Variants in PTHLH observed in about 807,000 individuals in gnomAD.
PTHLH encodes the protein parathyroid hormone like hormone.
Under a neutral mutation model 18.6 loss-of-function variants are expected in PTHLH, and 5 were observed. That is an observed-to-expected ratio of 0.27 (90% CI 0.14 to 0.56). The LOEUF is 0.56. Among genes scored for constraint, PTHLH ranks in the 20% least tolerant of loss-of-function variants. The probability of loss-of-function intolerance (pLI) is 0.92; values close to 1 mark genes in which losing one functional copy is unlikely to be tolerated. For missense variants in PTHLH, 207 were observed against 223.9 expected (o/e 0.92, Z 0.48); for synonymous variants, 90 against 94.0 (o/e 0.96, Z 0.25).
intron 5 of PTHLH, 44 bp downstream of exon 5, chr12:27,963,304 C>G: frequency 6.2e-7 from 1 of 1,614,058 alleles, no homozygotes; most frequent in Non-Finnish European, 8.5e-7. Flanking sequence ...CAAAACCCAG[C>G]TGAGAGCACC....
intron 3 of PTHLH, 118 bp downstream of exon 3, chr12:27,969,907 C>T (rs775832268): frequency 1.9e-6 from 1 of 520,750 alleles, no homozygotes; most frequent in African/African-American, 1.9e-5. Context: ...CAGGGCTAAC[C>T]GCCTCCTAAA....
rs10551155 is a variant in PTHLH at position 27,964,471 on chromosome 12, C to CAG, written c.102-703_102-702dup. ...GAACATACATTTGAAGGCCAATCGTCAGAGAGAGAGAGAGAGAGAGAGAGA... is the reference window on the plus strand; with the variant it reads ...GAACATACATTTGAAGGCCAATCGTCAGAGAGAGAGAGAGAGAGAGAGAGAGA... On this transcript the variant is annotated intron_variant, in intron 4 of 5. Transcript: ENST00000545234. Among the ~76,000 whole-genome samples, 755 of 148,830 alleles carry CAG rather than the reference C, an allele frequency of 5.1e-3. 10 individuals are homozygous for CAG. Among genetic ancestry groups the CAG allele is most frequent in the African/African-American group, 0.016 (632 of 40,520 alleles).
chr12:27,960,010 A>G (rs1224800412), intron 5 of PTHLH, among the ~76,000 whole-genome samples: 1 of 152,210 alleles, frequency 6.6e-6, no homozygotes, highest in Non-Finnish European at 1.5e-5. Context: ...AAGAAAGAAA[A>G]AGAAGTAAGT....
At chr12:27,970,762 C>G (rs949582786) in intron 2 of PTHLH, among the ~76,000 whole-genome samples, 2 of 152,124 alleles carry the variant, frequency 1.3e-5, no homozygotes, top group African/African-American at 2.4e-5. Flanking sequence ...CGCGGGCAAC[C>G]GGGAGCCTGC....
chr12:27,958,667 A>G (rs1442145224), intron 5 of PTHLH, 99 bp from the exon 6 acceptor site: 1 of 1,166,500 alleles, frequency 8.6e-7, no homozygotes, highest in East Asian at 2.6e-5. Flanking sequence ...GGAATGCAAA[A>G]TCACAATGGA....
At chr12:27,966,737 G>C (rs1336954105) in intron 4 of PTHLH, among the ~76,000 whole-genome samples, 1 of 152,076 alleles carries the variant, frequency 6.6e-6, no homozygotes, top group Non-Finnish European at 1.5e-5. Context: ...CAAAATTTTG[G>C]GGAAATGCTT....
At chr12:27,969,150 G>A (rs1434431403) in intron 4 of PTHLH, 2 of 535,386 alleles carry the variant, frequency 3.7e-6, no homozygotes, top group Admixed American at 3.2e-5. Context: ...TCTGTGAAAC[G>A]CTCCCTCTTA....
At chr12:27,962,200 C>G (rs1050006749) in intron 5 of PTHLH, 1 of 419,894 alleles carries the variant, frequency 2.4e-6, no homozygotes, top group African/African-American at 2.1e-5. Flanking sequence ...TTAATATTTG[C>G]CCCACTTTTT....
intron 5 of PTHLH, among the ~76,000 whole-genome samples, chr12:27,961,285 A>G (rs1974749): frequency 0.11 from 5,762 of 51,170 alleles, 302 homozygotes; most frequent in East Asian, 0.26. Flanking sequence ...TCATATATAT[A>G]CGTATATATA....
chr12:27,960,711 C>CT (rs1357025477), intron 5 of PTHLH, among the ~76,000 whole-genome samples: 41 of 112,968 alleles, frequency 3.6e-4, no homozygotes, highest in South Asian at 1.2e-3. Context: ...GAGCAAGACT[C>CT]TGTCTCAAAA....
intron 5 of PTHLH, among the ~76,000 whole-genome samples, chr12:27,958,856 T>C (rs537998110): frequency 1.5e-4 from 23 of 152,076 alleles, no homozygotes; most frequent in African/African-American, 5.3e-4. Flanking sequence ...TGTGGAAAAA[T>C]TTTCCAAGAC....
chr12:27,969,440 C>A lies in PTHLH; in HGVS notation c.55G>T (p.Ala19Ser), dbSNP rs754398386. The A allele has an allele frequency of 1.3e-5, 21 of 1,595,412 alleles. No individual in the cohort carries two copies. The South Asian group carries it at 2.1e-4, about 16-fold the overall frequency. Residue 19 changes from alanine to serine, a missense_variant, in exon 4 of 6, where the codon GCG (alanine) becomes TCG (serine). Coordinates refer to ENST00000545234, the MANE Select transcript of PTHLH (RefSeq NM_198965.2). ...ACCGAGCGCCCGCAGGAGGGCACCGCGTAGCTCAGCAGGAACACCGCGACG... is the reference window on the plus strand; with the variant it reads ...ACCGAGCGCCCGCAGGAGGGCACCGAGTAGCTCAGCAGGAACACCGCGACG... ...WSVAVFLLSY[A>S]VPSCGRSVEG... is the part of the protein sequence containing the mutation.
At position 27,963,719 on chromosome 12, in the gene PTHLH, G is replaced by T; in HGVS notation, c.153C>A (p.Ile51=). The T allele has an allele frequency of 1.9e-6, 3 of 1,613,650 alleles. No homozygotes were observed. Among genetic ancestry groups the T allele is most frequent in the Non-Finnish European group, 2.5e-6 (3 of 1,179,908 alleles). ...GGAAGAATCGTCGCCGTAAATCTTGGATGGACTTCCCCTTGTCATGGAGGA... is the reference window on the plus strand; with the variant it reads ...GGAAGAATCGTCGCCGTAAATCTTGTATGGACTTCCCCTTGTCATGGAGGA... The part of the protein sequence containing the change: ...HQLLHDKGKS[I]QDLRRRFFLH... Residue 51 remains isoleucine (I), a synonymous_variant, in exon 5 of 6, where the codon ATC becomes ATA. Coordinates refer to ENST00000545234, the MANE Select transcript of PTHLH (RefSeq NM_198965.2).
chr12:27,968,261 A>C (rs1214511899), intron 4 of PTHLH, among the ~76,000 whole-genome samples: 1 of 152,232 alleles, frequency 6.6e-6, no homozygotes, highest in Admixed American at 6.5e-5. Context: ...AAGTAATTTC[A>C]TTTAAGGATT....
intron 1 of PTHLH, among the ~76,000 whole-genome samples, 197 bp downstream of exon 1, chr12:27,972,326 A>T (rs528843504): frequency 6.6e-6 from 1 of 152,314 alleles, no homozygotes; most frequent in East Asian, 1.9e-4. Flanking sequence ...TTTTCTACTA[A>T]TTAAACAAAA....
In PTHLH at chr12:27,970,044, G is replaced by A. The variant is rs762659470; in HGVS notation, c.-42C>T. 1.9e-5 allele frequency: 10 copies of A among 518,912 alleles called. No homozygotes were observed. The highest frequency in any genetic ancestry group is 1.5e-4 in the African/African-American group (8 of 51,958). The allele number at this position is 518,912 out of a possible 1,614,324, so 32.1% of individuals were successfully genotyped here. On this transcript the variant is annotated 5_prime_UTR_variant, in exon 3 of 6. Coordinates refer to ENST00000545234, the MANE Select transcript of PTHLH (RefSeq NM_198965.2). ...GTCTACCTCCTCTGGTGGGCTGGTT[G>A]CTTCCGGAAAGTTGATTCCACACAC...
intron 4 of PTHLH, among the ~76,000 whole-genome samples, chr12:27,964,261 TCTCTCTC>T (rs750994141): frequency 0.016 from 257 of 15,654 alleles, 1 homozygote; most frequent in South Asian, 0.08. Context: ...TCTCTCTCTC[TCTCTCTC>T]CTCTCTCTCT....
chr12:27,962,996 A>C, intron 5 of PTHLH: 2 of 1,182,630 alleles, frequency 1.7e-6, no homozygotes. Flanking sequence ...GTGTGAGAGT[A>C]AGGGGAAGAA....
chr12:27,958,373 GGATTA>G lies in PTHLH; in HGVS notation c.*181_*185del. Reference sequence around the variant, plus strand: ...TATGGTAAATGTGATAATAATAATTGGATTAGCCTTGGCAAAAAAAAAATATTCAC... The same window carrying G: ...TATGGTAAATGTGATAATAATAATTGGCCTTGGCAAAAAAAAAATATTCAC... On this transcript the variant is annotated 3_prime_UTR_variant, in exon 6 of 6. Coordinates refer to ENST00000545234, the MANE Select transcript of PTHLH (RefSeq NM_198965.2). The G allele has an allele frequency of 2.5e-6, 1 of 406,788 alleles. No homozygotes were observed. Among genetic ancestry groups the G allele is most frequent in the Non-Finnish European group, 4.2e-6 (1 of 237,328 alleles). The allele number at this position is 406,788 out of a possible 1,614,324, so 25.2% of individuals were successfully genotyped here.
Sources: gnomAD v4.1 joint callset for allele counts (sites outside exome capture counted in the v4.1 genomes callset) on GRCh38, gnomAD v4.1.1 for gene constraint, MANE v1.5 for transcripts, NCBI Gene and HGNC (gene_info 2026-07-23, HGNC 2026-07-21) for gene names.